Variants in TARS3 observed in about 807,000 individuals in gnomAD.
The protein encoded by TARS3 is threonine--tRNA ligase 2, cytoplasmic.
Under a neutral mutation model 103.5 loss-of-function variants are expected in TARS3, and 94 were observed. The ratio of observed to expected loss-of-function variants is 0.91; its 90% CI spans 0.77 to 1.08. The LOEUF (loss-of-function observed/expected upper bound fraction) is 1.08, where lower values mean the gene tolerates loss of function less well. TARS3 is among the 50% of genes least tolerant of loss of function. The pLI, the probability that TARS3 is intolerant of heterozygous loss-of-function variation, is 0.00. For missense variants in TARS3, 952 were observed against 995.2 expected (o/e 0.96, Z 0.58); for synonymous variants, 416 against 355.4 (o/e 1.17, Z -1.92).
intron 8 of TARS3, 46 bp from the exon 9 acceptor site, chr15:101,702,431 G>T (rs777951647): frequency 1.1e-5 from 17 of 1,524,064 alleles, no homozygotes; most frequent in East Asian, 9.0e-5. Context: ...ACATTCAGTT[G>T]TAAGTAAAAC....
In TARS3 at chr15:101,708,822, T is replaced by C. The variant is rs1490842641; in HGVS notation, c.901A>G (p.Ser301Gly). 2 of 1,613,674 alleles carry C rather than the reference T, an allele frequency of 1.2e-6. No homozygotes were observed. Among genetic ancestry groups the C allele is most frequent in the Admixed American group, 1.7e-5 (1 of 60,022 alleles). Residue 301 changes from serine to glycine, a missense_variant, in exon 6 of 19, where the codon AGC becomes GGC. Coordinates refer to ENST00000335968, the MANE Select transcript of TARS3 (RefSeq NM_152334.3). Reference protein sequence around the residue: ...EKQPFERLEVSKEILLEMFKY... With the variant: ...EKQPFERLEVGKEILLEMFKY... ...AACATTTCCAGGAGGATTTCCTTGC[T>C]GACTTCTAGTCTTTCAAAAGGTTGC...
rs139569317 is a variant in TARS3, at chr15:101,661,912, G to A, written c.1968-96C>T. Reference sequence around the variant, plus strand: ...ATTTTGAGAATAGATTTAGATTAGTGATATCAGATCTCTCCATTAACCTTA... The same window carrying A: ...ATTTTGAGAATAGATTTAGATTAGTAATATCAGATCTCTCCATTAACCTTA... On this transcript the variant is annotated intron_variant, in intron 15 of 18. Coordinates refer to ENST00000335968, the MANE Select transcript of TARS3 (RefSeq NM_152334.3). 1.3e-5 allele frequency: 9 copies of A among 690,578 alleles called. No individual in the cohort carries two copies. In the East Asian group the frequency reaches 2.8e-4, roughly 21 times the overall value. 42.8% of individuals were successfully genotyped at this position (690,578 alleles called of 1,614,324 possible).
intron 10 of TARS3, among the ~76,000 whole-genome samples, chr15:101,694,888 T>C (rs1288625497): frequency 6.6e-6 from 1 of 152,058 alleles, no homozygotes; most frequent in African/African-American, 2.4e-5. Context: ...TACCAGAGGC[T>C]GGGGGAGGCA....
chr15:101,695,774 GC>G (rs1468514229), intron 10 of TARS3: 1 of 152,248 alleles, frequency 6.6e-6, no homozygotes, highest in Non-Finnish European at 1.5e-5. Flanking sequence ...GTGTGGTGGT[GC>G]ATGCCTATAA....
chr15:101,684,427 G>C (rs1275300523), intron 11 of TARS3, among the ~76,000 whole-genome samples, 190 bp from the exon 12 acceptor site: 1 of 152,124 alleles, frequency 6.6e-6, no homozygotes, highest in Non-Finnish European at 1.5e-5. Flanking sequence ...GCAGCACTCT[G>C]AGAAAGATGC....
At chr15:101,698,139 A>G (rs1899073238) in intron 10 of TARS3, among the ~76,000 whole-genome samples, 1 of 152,054 alleles carries the variant, frequency 6.6e-6, no homozygotes, top group Non-Finnish European at 1.5e-5. Flanking sequence ...GATCTAGACC[A>G]TCCTGGCTAA....
chr15:101,699,874 T>C (rs1405643126), intron 10 of TARS3, among the ~76,000 whole-genome samples: 1 of 152,070 alleles, frequency 6.6e-6, no homozygotes, highest in Non-Finnish European at 1.5e-5. Context: ...AAATGAGAAT[T>C]AAAGATAAGC....
chr15:101,704,164 C>A (rs1254933537), intron 7 of TARS3, among the ~76,000 whole-genome samples: 2 of 152,156 alleles, frequency 1.3e-5, no homozygotes, highest in African/African-American at 4.8e-5. Context: ...CTAGGCAATT[C>A]TCTGATTAAA....
intron 13 of TARS3, among the ~76,000 whole-genome samples, chr15:101,671,960 C>A (rs935310814): frequency 6.6e-5 from 10 of 152,134 alleles, no homozygotes; most frequent in Non-Finnish European, 1.2e-4. Context: ...AACATTTCAA[C>A]TGGGGAGAAA....
At chr15:101,688,378 A>G (rs1204222541) in intron 10 of TARS3, among the ~76,000 whole-genome samples, 1 of 152,144 alleles carries the variant, frequency 6.6e-6, no homozygotes, top group Non-Finnish European at 1.5e-5. Context: ...GTAAACTCTC[A>G]GTGACTGAGC....
At chr15:101,689,588 T>A (rs1017076769) in intron 10 of TARS3, among the ~76,000 whole-genome samples, 1 of 151,450 alleles carries the variant, frequency 6.6e-6, no homozygotes, top group African/African-American at 2.4e-5. Context: ...AGGGAGAACA[T>A]CACGTGAAGA....
At chr15:101,663,549 TTATA>T (rs1160189717) in intron 15 of TARS3, among the ~76,000 whole-genome samples, 2 of 152,234 alleles carry the variant, frequency 1.3e-5, no homozygotes, top group African/African-American at 4.8e-5. Flanking sequence ...ATGACTATAT[TTATA>T]TTTATTAAGT....
In TARS3 at chr15:101,721,222, T is replaced by A. The variant is rs528359605; in HGVS notation, c.470A>T (p.Asp157Val). 2.4e-5 allele frequency: 39 copies of A among 1,614,112 alleles called. No individual in the cohort carries two copies. The African/African-American group carries it at 4.9e-4, about 20-fold the overall frequency. The change falls in exon 3 of 19, where the codon GAT (aspartate) becomes GTT (valine). Residue 157 changes from aspartate (D) to valine (V), a missense_variant. By Grantham distance (152) the Asp-to-Val change is radical. Around this residue, in one of 2 missense-constraint regions of TARS3, gnomAD observed 412 missense variants for 364.2 expected, o/e 1.13. Transcript: ENST00000335968. ...TCTTACTGTGATGATGTTGCTTGTA[T>A]CCCCCTTTTTTCCATAAATGGCAAG... The part of the protein sequence containing the change: ...LLLAIYGKKG[D>V]TSNIITVRVA...
intron 8 of TARS3, 122 bp downstream of exon 8, chr15:101,703,737 A>C (rs1899399127): frequency 1.5e-6 from 1 of 649,254 alleles, no homozygotes; most frequent in African/African-American, 1.9e-5. Flanking sequence ...AATAAGAATG[A>C]AATATTTTAA....
intron 7 of TARS3, among the ~76,000 whole-genome samples, chr15:101,704,754 A>G (rs1179037009): frequency 6.6e-6 from 1 of 152,154 alleles, no homozygotes; most frequent in Non-Finnish European, 1.5e-5. Flanking sequence ...AAACTACAAA[A>G]AGTGTCAATG....
rs1263303602 is a variant in TARS3 at position 101,701,128 on chromosome 15, G to A, written c.1278C>T (p.Pro426=). The stretch of plus-strand genomic sequence containing the variant: ...GCGTATTATAAATGAAGGCTCCTCT[G>A]GGAAGGAAAAAACAGCTTCCAGGAC... ...DLSPGSCFFL[P]RGAFIYNTLT... Residue 426 remains proline, a synonymous_variant, in exon 10 of 19, where the codon CCC becomes CCT. Coordinates refer to ENST00000335968, the MANE Select transcript of TARS3 (RefSeq NM_152334.3). The A allele has an allele frequency of 1.3e-6, 2 of 1,596,970 alleles. No homozygotes were observed. Among genetic ancestry groups the A allele is most frequent in the African/African-American group, 2.7e-5 (2 of 73,770 alleles).
chr15:101,716,887 C>T (rs1165988080), intron 3 of TARS3, among the ~76,000 whole-genome samples: 1 of 133,752 alleles, frequency 7.5e-6, no homozygotes, highest in Non-Finnish European at 1.5e-5. Context: ...GACAGGGTCT[C>T]ACTCTGTCAC....
intron 15 of TARS3, among the ~76,000 whole-genome samples, chr15:101,664,785 G>A (rs1394982246): frequency 6.6e-6 from 1 of 152,140 alleles, no homozygotes; most frequent in African/African-American, 2.4e-5. Flanking sequence ...ACAAACAACA[G>A]TCCAGCAGCA....
At chr15:101,673,392 G>A (rs1208654157) in intron 13 of TARS3, among the ~76,000 whole-genome samples, 1 of 152,114 alleles carries the variant, frequency 6.6e-6, no homozygotes, top group East Asian at 1.9e-4. Context: ...CATCTACTGG[G>A]CACTTACACG....
Sources: gnomAD v4.1 joint callset for allele counts (sites outside exome capture counted in the v4.1 genomes callset) on GRCh38, gnomAD v4.1.1 for gene constraint, gnomAD v4.1.1 regional missense constraint, MANE v1.5 for transcripts, NCBI Gene and HGNC (gene_info 2026-07-23, HGNC 2026-07-21) for gene names.